GRM5: variants seen among roughly 807,000 people sequenced by gnomAD.
GRM5 encodes the protein glutamate metabotropic receptor 5.
Under a neutral mutation model 83.1 loss-of-function variants are expected in GRM5, and 19 were observed. The ratio of observed to expected loss-of-function variants is 0.23; its 90% CI spans 0.16 to 0.34. The LOEUF is 0.34. GRM5 is among the 10% of genes least tolerant of loss of function. The pLI, the probability that GRM5 is intolerant of heterozygous loss-of-function variation, is 1.00. For synonymous variants in GRM5, 675 were observed against 633.6 expected, an observed-to-expected ratio of 1.07 and a Z score of -0.98; for missense variants, 1,160 against 1,588.3, an observed-to-expected ratio of 0.73 and a Z score of 4.58.
intron 2 of GRM5, among the ~76,000 whole-genome samples, chr11:89,002,608 G>A (rs887131209): frequency 6.6e-6 from 1 of 152,090 alleles, no homozygotes; most frequent in African/African-American, 2.4e-5. Context: ...TACTTTGCAT[G>A]GGTCACTTAC....
chr11:88,748,926 G>T (rs1323843515), intron 3 of GRM5, among the ~76,000 whole-genome samples: 2 of 151,988 alleles, frequency 1.3e-5, no homozygotes, highest in Admixed American at 6.6e-5. Flanking sequence ...AAACCCCACA[G>T]AAACCCCATT....
chr11:88,742,743 G>C (rs982123160), intron 3 of GRM5, among the ~76,000 whole-genome samples: 3 of 152,046 alleles, frequency 2.0e-5, no homozygotes, highest in South Asian at 4.1e-4. Context: ...CTTACCTCAG[G>C]CTTTCTATTT....
At chr11:88,943,558 T>C (rs942880483) in intron 2 of GRM5, among the ~76,000 whole-genome samples, 1 of 152,036 alleles carries the variant, frequency 6.6e-6, no homozygotes, top group Admixed American at 6.6e-5. Flanking sequence ...TCCTAAAAAT[T>C]CGCCTTCTTC....
chr11:89,051,988 T>C (rs1941771086), intron 1 of GRM5, among the ~76,000 whole-genome samples: 1 of 152,088 alleles, frequency 6.6e-6, no homozygotes, highest in Non-Finnish European at 1.5e-5. Context: ...TAGATGTGAG[T>C]AGTAAGGTAG....
intron 6 of GRM5, among the ~76,000 whole-genome samples, chr11:88,595,118 TA>T (rs1168142037): frequency 5.3e-5 from 8 of 152,172 alleles, no homozygotes; most frequent in African/African-American, 1.9e-4. Context: ...TTATACTCTT[TA>T]TTTTTTTCAA....
At position 88,551,241 on chromosome 11, in the gene GRM5, C is replaced by T. The variant is rs910350106; in HGVS notation, c.2630+15812G>A. Among the ~76,000 whole-genome samples the T allele has an allele frequency of 2.6e-5, 4 of 152,126 alleles. No homozygotes were observed. In the South Asian group the frequency reaches 8.3e-4, roughly 32 times the overall value. On this transcript the variant is annotated intron_variant, in intron 8 of 9. Transcript: ENST00000305447. ...GAAGTTAGTTATCATTAGCCCCTAT[C>T]ATCCCCTTTCCACATCCTACACTCC...
chr11:88,668,212 G>GCGCGCGCACACACA (rs1554990683), intron 3 of GRM5, among the ~76,000 whole-genome samples: 12 of 142,572 alleles, frequency 8.4e-5, no homozygotes, highest in African/African-American at 3.2e-4. Context: ...GCAGAAACTC[G>GCGCGCGCACACACA]CACACACACA....
At chr11:89,003,956 C>A (rs12275483) in intron 2 of GRM5, among the ~76,000 whole-genome samples, 9,717 of 152,038 alleles carry the variant, frequency 0.064, 1,022 homozygotes, top group African/African-American at 0.22. Flanking sequence ...ATAAGTGATT[C>A]TAAAGCTGAA....
At chr11:89,034,657 A>G (rs1941341875) in intron 2 of GRM5, among the ~76,000 whole-genome samples, 1 of 151,902 alleles carries the variant, frequency 6.6e-6, no homozygotes, top group South Asian at 2.1e-4. Context: ...TATTTGTGGT[A>G]GTATCACATG....
intron 1 of GRM5, among the ~76,000 whole-genome samples, chr11:89,055,722 A>G (rs1376866524): frequency 1.3e-5 from 2 of 151,854 alleles, no homozygotes; most frequent in Admixed American, 6.6e-5. Context: ...CTCTCATAAT[A>G]TATTTTTATT....
chr11:89,043,587 G>A (rs779092986), intron 2 of GRM5, among the ~76,000 whole-genome samples: 3 of 110,514 alleles, frequency 2.7e-5, no homozygotes, highest in Non-Finnish European at 5.5e-5. Context: ...TTTTTTTTTT[G>A]CTTTTGAAGT....
At chr11:89,057,544 T>A (rs1246220900) in intron 1 of GRM5, among the ~76,000 whole-genome samples, 2 of 152,160 alleles carry the variant, frequency 1.3e-5, no homozygotes, top group Admixed American at 6.5e-5. Context: ...GCTCACTAAA[T>A]CATTGTAAAT....
At chr11:88,826,555 A>G (rs1046507786) in intron 3 of GRM5, among the ~76,000 whole-genome samples, 3 of 152,074 alleles carry the variant, frequency 2.0e-5, no homozygotes, top group African/African-American at 4.8e-5. Context: ...CACTAGTCCA[A>G]TGGGTATTAG....
At chr11:88,952,310 C>T (rs949964210) in intron 2 of GRM5, among the ~76,000 whole-genome samples, 2 of 152,142 alleles carry the variant, frequency 1.3e-5, no homozygotes, top group Admixed American at 6.5e-5. Flanking sequence ...CTCTAATGTG[C>T]CCATATAGCT....
intron 4 of GRM5, among the ~76,000 whole-genome samples, chr11:88,607,410 A>G (rs1049879969): frequency 6.6e-6 from 1 of 152,226 alleles, no homozygotes; most frequent in African/African-American, 2.4e-5. Flanking sequence ...TACCAGACTC[A>G]GTATATATCC....
At chr11:88,969,299 T>C (rs1015612553) in intron 2 of GRM5, among the ~76,000 whole-genome samples, 35 of 152,106 alleles carry the variant, frequency 2.3e-4, no homozygotes, top group African/African-American at 8.4e-4. Flanking sequence ...TATCCAAGCA[T>C]GTGAGAAACA....
intron 3 of GRM5, among the ~76,000 whole-genome samples, chr11:88,810,928 G>C (rs1474683733): frequency 6.6e-6 from 1 of 152,100 alleles, no homozygotes; most frequent in East Asian, 1.9e-4. Context: ...AGGAAATCTG[G>C]TTGTGCTATT....
chr11:88,546,872 A>T (rs1002786956), intron 8 of GRM5, among the ~76,000 whole-genome samples: 1 of 152,130 alleles, frequency 6.6e-6, no homozygotes, highest in Non-Finnish European at 1.5e-5. Flanking sequence ...TTGAAAAGGT[A>T]AGAAGAGCAA....
intron 4 of GRM5, among the ~76,000 whole-genome samples, chr11:88,618,449 C>G (rs1251420574): frequency 6.6e-6 from 1 of 151,864 alleles, no homozygotes; most frequent in Non-Finnish European, 1.5e-5. Flanking sequence ...CTGCTTTGGC[C>G]CTAGAGAGAA....
Sources: allele counts gnomAD v4.1 joint callset (sites outside exome capture counted in the v4.1 genomes callset), GRCh38; gene constraint gnomAD v4.1.1; transcripts MANE v1.5; gene names NCBI Gene and HGNC (gene_info 2026-07-23, HGNC 2026-07-21).